The following NBAS variants were observed in gnomAD, a reference collection of about 807,000 sequenced individuals.
NBAS encodes NAG/BC035112 fusion.
Under a neutral mutation model 302.5 loss-of-function variants are expected in NBAS, and 219 were observed. That is an observed-to-expected ratio of 0.72 (90% CI 0.65 to 0.81). The LOEUF is 0.81. NBAS is among the 30% of genes least tolerant of loss of function. The pLI, the probability that NBAS is intolerant of heterozygous loss-of-function variation, is 0.00. For missense variants in NBAS, 2,932 were observed against 2,841.6 expected, an observed-to-expected ratio of 1.03 and a Z score of -0.72; for synonymous variants, 1,118 against 1,021.6, an observed-to-expected ratio of 1.09 and a Z score of -1.80.
At chr2:14,927,352 C>T in the NBAS span, among the ~76,000 whole-genome samples, 4 of 152,208 alleles carry the variant, frequency 2.6e-5, no homozygotes, top group Non-Finnish European at 5.9e-5. Context: ...CGGCTTGACT[C>T]AGCATATTAT....
At chr2:15,307,941 A>C (rs1468215259) in intron 40 of NBAS, among the ~76,000 whole-genome samples, 1 of 152,230 alleles carries the variant, frequency 6.6e-6, no homozygotes, top group East Asian at 1.9e-4. Context: ...CTACTACTTT[A>C]GCCATTCCTA....
At chr2:15,420,374 G>A (rs113303535) in intron 23 of NBAS, among the ~76,000 whole-genome samples, 6 of 152,304 alleles carry the variant, frequency 3.9e-5, no homozygotes, top group African/African-American at 1.4e-4. Context: ...AGGGCGGTGG[G>A]AGTCGCCAGG....
chr2:15,139,559 A>G, the NBAS span, among the ~76,000 whole-genome samples: 4 of 152,026 alleles, frequency 2.6e-5, no homozygotes, highest in South Asian at 8.3e-4. Flanking sequence ...CTATATAAAA[A>G]CCACCTCAAA....
chr2:15,238,488 A>G lies in NBAS; in HGVS notation c.5923T>C (p.Ser1975Pro). ...TTTACCTGCTCACTATTCTTCAGAG[A>G]AAGGATGAAGCTGTGGCTCAGGGTT... ...LETLSHSFIL[S>P]LKNSEQETLQ... Residue 1975 changes from serine (S) to proline (P), a missense_variant, in exon 45 of 52, where the codon TCT (serine) becomes CCT (proline). Ser to Pro is a moderately conservative substitution (Grantham distance 74). Coordinates refer to ENST00000281513, the MANE Select transcript of NBAS (RefSeq NM_015909.4). 1 of 1,614,188 alleles carries G rather than the reference A, an allele frequency of 6.2e-7. No individual in the cohort carries two copies.
intron 47 of NBAS, 104 bp downstream of exon 47, chr2:15,232,318 A>C: frequency 9.4e-7 from 1 of 1,067,906 alleles, no homozygotes; most frequent in Non-Finnish European, 1.4e-6. Flanking sequence ...CCACCTAAAA[A>C]TGTGGCTTAG....
chr2:14,829,638 G>A, the NBAS span, among the ~76,000 whole-genome samples: 14 of 152,220 alleles, frequency 9.2e-5, no homozygotes, highest in East Asian at 2.5e-3. Flanking sequence ...GCATTCTGGT[G>A]CTCCTCAACT....
chr2:15,480,016 C>A (rs765001380), intron 12 of NBAS, among the ~76,000 whole-genome samples: 7 of 152,340 alleles, frequency 4.6e-5, no homozygotes, highest in Non-Finnish European at 1.0e-4. Flanking sequence ...TTCCTACACA[C>A]TCCCAAAAGT....
intron 21 of NBAS, among the ~76,000 whole-genome samples, chr2:15,437,335 G>A (rs1165059095): frequency 1.3e-5 from 2 of 152,172 alleles, no homozygotes; most frequent in African/African-American, 4.8e-5. Context: ...AAGAGAGAGA[G>A]AGAGGTGGAA....
chr2:15,333,273 T>C (rs1158175073), intron 35 of NBAS, among the ~76,000 whole-genome samples: 3 of 151,898 alleles, frequency 2.0e-5, no homozygotes, highest in South Asian at 4.2e-4. Context: ...CACGGCAAAA[T>C]AGAGGAATCT....
At chr2:14,817,515 G>T in the NBAS span, among the ~76,000 whole-genome samples, 4 of 152,096 alleles carry the variant, frequency 2.6e-5, no homozygotes, top group Non-Finnish European at 4.4e-5. Context: ...TTTATGTGTT[G>T]CCTAGATTAT....
At chr2:14,869,036 C>A in the NBAS span, among the ~76,000 whole-genome samples, 1 of 152,158 alleles carries the variant, frequency 6.6e-6, no homozygotes, top group Non-Finnish European at 1.5e-5. Context: ...ATGAAGTCAA[C>A]TCACAGCTAA....
chr2:14,947,084 C>T, the NBAS span, among the ~76,000 whole-genome samples: 1 of 152,004 alleles, frequency 6.6e-6, no homozygotes, highest in Non-Finnish European at 1.5e-5. Flanking sequence ...TTCAAATCAA[C>T]AGCCTAACAG....
At chr2:15,336,739 A>G (rs901511060) in intron 35 of NBAS, among the ~76,000 whole-genome samples, 4 of 152,164 alleles carry the variant, frequency 2.6e-5, no homozygotes, top group African/African-American at 7.2e-5. Context: ...AGGAAAAAAA[A>G]AAAGTCTCAT....
At chr2:15,432,172 A>G (rs996646107) in intron 21 of NBAS, among the ~76,000 whole-genome samples, 16 of 151,782 alleles carry the variant, frequency 1.1e-4, no homozygotes, top group African/African-American at 3.9e-4. Flanking sequence ...TTGAATCTCA[A>G]GTTCTATAAA....
the NBAS span, among the ~76,000 whole-genome samples, chr2:15,062,280 T>A: frequency 6.6e-6 from 1 of 152,212 alleles, no homozygotes. Context: ...GCTTGAAGGT[T>A]ACCTCTCTGA....
the NBAS span, among the ~76,000 whole-genome samples, chr2:14,836,272 G>A: frequency 0.011 from 1,680 of 151,744 alleles, 31 homozygotes; most frequent in African/African-American, 0.037. Context: ...GATTATTGAT[G>A]GATAGAAGTT....
intron 11 of NBAS, among the ~76,000 whole-genome samples, chr2:15,503,279 A>G (rs1188605242): frequency 6.6e-6 from 1 of 152,182 alleles, no homozygotes. Flanking sequence ...ATAATGATAA[A>G]AAGTACAGTA....
chr2:15,533,176 G>T (rs1170695582), intron 9 of NBAS, among the ~76,000 whole-genome samples: 3 of 152,090 alleles, frequency 2.0e-5, no homozygotes, highest in African/African-American at 7.2e-5. Context: ...TGTTGGGACT[G>T]TAAACTGGCA....
intron 48 of NBAS, among the ~76,000 whole-genome samples, chr2:15,198,469 A>C (rs1333624525): frequency 1.3e-5 from 2 of 152,104 alleles, no homozygotes; most frequent in Non-Finnish European, 2.9e-5. Flanking sequence ...TAAGGGAAAA[A>C]AGAGAAGACT....
Sources: allele counts gnomAD v4.1 joint callset (sites outside exome capture counted in the v4.1 genomes callset), GRCh38; gene constraint gnomAD v4.1.1; transcripts MANE v1.5; gene names NCBI Gene and HGNC (gene_info 2026-07-23, HGNC 2026-07-21).